Variants in PARD3 observed in about 807,000 individuals in gnomAD.
PARD3 encodes the protein par-3 family cell polarity regulator.
In PARD3, 75 loss-of-function variants were observed where a neutral mutation model predicts 155.4. That is an observed-to-expected ratio of 0.48 (90% CI 0.40 to 0.58). The LOEUF (loss-of-function observed/expected upper bound fraction) is 0.58. PARD3 is among the 20% of genes least tolerant of loss of function. The pLI is 0.00. For missense variants in PARD3, 1,642 were observed against 1,721.7 expected, an observed-to-expected ratio of 0.95 and a Z score of 0.82; for synonymous variants, 576 against 610.5, an observed-to-expected ratio of 0.94 and a Z score of 0.83.
chr10:34,601,625 T>G (rs1336654968), intron 2 of PARD3, among the ~76,000 whole-genome samples: 2 of 152,144 alleles, frequency 1.3e-5, no homozygotes, highest in Non-Finnish European at 2.9e-5. Context: ...TCAGGTAAGC[T>G]CCTAAGAGTT....
chr10:34,498,448 C>T (rs1040971868), intron 3 of PARD3, among the ~76,000 whole-genome samples: 5 of 152,264 alleles, frequency 3.3e-5, no homozygotes, highest in Non-Finnish European at 7.4e-5. Context: ...ATTTATGTCA[C>T]GCTTTATTCC....
chr10:34,292,215 G>T (rs1370941976), intron 20 of PARD3, among the ~76,000 whole-genome samples: 1 of 152,204 alleles, frequency 6.6e-6, no homozygotes, highest in Non-Finnish European at 1.5e-5. Context: ...CATTTGTAAT[G>T]ACATGCTCAT....
chr10:34,604,346 A>G (rs1483876851), intron 2 of PARD3, among the ~76,000 whole-genome samples: 1 of 152,064 alleles, frequency 6.6e-6, no homozygotes, highest in Non-Finnish European at 1.5e-5. Flanking sequence ...AAATGTAGTC[A>G]GCTTCCAACA....
intron 2 of PARD3, among the ~76,000 whole-genome samples, chr10:34,611,567 A>C (rs2090892296): frequency 6.6e-6 from 1 of 152,140 alleles, no homozygotes; most frequent in South Asian, 2.1e-4. Context: ...GACAAATCAC[A>C]AGATTAATAC....
intron 20 of PARD3, among the ~76,000 whole-genome samples, chr10:34,301,215 A>C (rs1443245737): frequency 1.3e-5 from 2 of 152,166 alleles, no homozygotes; most frequent in African/African-American, 4.8e-5. Context: ...AGAAATATTC[A>C]AGTATATCAC....
At chr10:34,596,943 C>T (rs1464206616) in intron 2 of PARD3, among the ~76,000 whole-genome samples, 1 of 152,166 alleles carries the variant, frequency 6.6e-6, no homozygotes, top group Non-Finnish European at 1.5e-5. Context: ...CAGCTGTAGA[C>T]TTAAATATAG....
intron 2 of PARD3, among the ~76,000 whole-genome samples, chr10:34,625,070 T>C (rs1190314394): frequency 6.6e-6 from 1 of 152,208 alleles, no homozygotes; most frequent in African/African-American, 2.4e-5. Flanking sequence ...TTCTTCCATA[T>C]AACTGATTTG....
chr10:34,609,900 C>T (rs191471099), intron 2 of PARD3, among the ~76,000 whole-genome samples: 18 of 152,172 alleles, frequency 1.2e-4, no homozygotes, highest in African/African-American at 4.1e-4. Context: ...AACTATGAGA[C>T]GAGAAAAATC....
chr10:34,479,994 A>T (rs1050802631), intron 3 of PARD3, among the ~76,000 whole-genome samples: 1 of 152,242 alleles, frequency 6.6e-6, no homozygotes, highest in Non-Finnish European at 1.5e-5. Context: ...GCTGCACAAA[A>T]GCCACAGCCA....
intron 9 of PARD3, 56 bp downstream of exon 9, chr10:34,382,484 T>C: frequency 1.3e-6 from 2 of 1,552,054 alleles, no homozygotes; most frequent in Non-Finnish European, 1.7e-6. Flanking sequence ...TTTCTACCCT[T>C]GTGTGTTGCT....
At chr10:34,763,571 C>T (rs1027042297) in intron 1 of PARD3, among the ~76,000 whole-genome samples, 1 of 152,136 alleles carries the variant, frequency 6.6e-6, no homozygotes, top group African/African-American at 2.4e-5. Context: ...AGAACCATCA[C>T]CATGAACTTA....
chr10:34,119,579 G>A (rs1370800228), intron 24 of PARD3, 34 bp downstream of exon 24: 5 of 1,573,566 alleles, frequency 3.2e-6, no homozygotes, highest in Middle Eastern at 1.7e-4. Flanking sequence ...AAAGGGCCGG[G>A]GGGATCTGGA....
chr10:34,359,785 C>T (rs768145688), intron 13 of PARD3, among the ~76,000 whole-genome samples: 1 of 152,162 alleles, frequency 6.6e-6, no homozygotes, highest in African/African-American at 2.4e-5. Context: ...GTCTACTATA[C>T]GCCCATTCTG....
Position 34,669,666 on chromosome 10 carries a change from G to A in PARD3, c.222+26652C>T, listed in dbSNP as rs1002225705. Among the ~76,000 whole-genome samples, 4 of 151,922 alleles carry A rather than the reference G, an allele frequency of 2.6e-5. No homozygotes were observed. In the East Asian group the frequency reaches 7.7e-4, roughly 29 times the overall value. On this transcript the variant is annotated intron_variant, in intron 2 of 24. Transcript: ENST00000374788. ...AATTATGCACCGTAAGAGAGAAGCA[G>A]GTGATAATTTGCTTGCAACAAATGA... is the stretch of plus-strand genomic sequence containing the variant.
chr10:34,321,991 T>C (rs944803049), intron 19 of PARD3, among the ~76,000 whole-genome samples: 1 of 152,028 alleles, frequency 6.6e-6, no homozygotes, highest in Non-Finnish European at 1.5e-5. Flanking sequence ...GATGCTACTG[T>C]TGATACTATA....
chr10:34,399,730 A>G (rs1231055772), intron 6 of PARD3, among the ~76,000 whole-genome samples: 10 of 152,142 alleles, frequency 6.6e-5, no homozygotes. Context: ...GTGTAATACA[A>G]GTTTATGTCT....
At chr10:34,301,219 A>G (rs1564562430) in intron 20 of PARD3, among the ~76,000 whole-genome samples, 1 of 152,180 alleles carries the variant, frequency 6.6e-6, no homozygotes, top group Non-Finnish European at 1.5e-5. Flanking sequence ...ATATTCAAGT[A>G]TATCACAGAG....
At chr10:34,267,951 C>A (rs992188677) in intron 22 of PARD3, among the ~76,000 whole-genome samples, 2 of 152,134 alleles carry the variant, frequency 1.3e-5, no homozygotes, top group African/African-American at 4.8e-5. Context: ...TTTAATGAAA[C>A]CTGCTATTCA....
chr10:34,331,305 T>C lies in PARD3; in HGVS notation c.2645A>G (p.Lys882Arg), dbSNP rs1835591318. 6.2e-7 allele frequency: 1 copy of C among 1,613,880 alleles called. No individual in the cohort carries two copies. The highest frequency in any genetic ancestry group is 8.5e-7 in the Non-Finnish European group (1 of 1,179,914). ...CAGACTCTCCAACGAGCTTGACTTC[T>C]TCAGACCCAGGGAAGGACCCACATC... ...SRDVGPSLGL[K>R]KSSSLESLQT... The change falls in exon 19 of 25, where the codon AAG becomes AGG. Residue 882 changes from lysine (K) to arginine (R), a missense_variant. Physicochemically the swap from Lys to Arg is conservative, Grantham distance 26. Transcript: ENST00000374788.
Sources: allele counts gnomAD v4.1 joint callset (sites outside exome capture counted in the v4.1 genomes callset), GRCh38; gene constraint gnomAD v4.1.1; transcripts MANE v1.5; gene names NCBI Gene and HGNC (gene_info 2026-07-23, HGNC 2026-07-21).